Variants in CNTNAP2 observed in about 807,000 individuals in gnomAD.
CNTNAP2 encodes contactin associated protein 2, also known as contactin-associated protein-like 2.
Under a neutral mutation model 155.2 loss-of-function variants are expected in CNTNAP2, and 98 were observed. That is an observed-to-expected ratio of 0.63 (90% CI 0.54 to 0.75). CNTNAP2 has a LOEUF of 0.75. Among genes scored for constraint, CNTNAP2 ranks in the 30% least tolerant of loss-of-function variants. CNTNAP2 has a pLI of 0.00. For missense variants in CNTNAP2, 1,727 were observed against 1,688.1 expected (o/e 1.02, Z -0.40); for synonymous variants, 651 against 631.2 (o/e 1.03, Z -0.47).
At chr7:147,459,041 T>C (rs1797970298) in intron 10 of CNTNAP2, among the ~76,000 whole-genome samples, 1 of 152,206 alleles carries the variant, frequency 6.6e-6, no homozygotes, top group Admixed American at 6.5e-5. Flanking sequence ...TAAATAGTGC[T>C]ACCCAACAGA....
intron 13 of CNTNAP2, among the ~76,000 whole-genome samples, chr7:147,671,207 C>A (rs1445712802): frequency 6.6e-6 from 1 of 152,216 alleles, no homozygotes; most frequent in East Asian, 1.9e-4. Flanking sequence ...CTCTTTCCTG[C>A]AAGGAGTTGA....
At chr7:146,217,647 T>G (rs568538277) in intron 1 of CNTNAP2, among the ~76,000 whole-genome samples, 7 of 152,318 alleles carry the variant, frequency 4.6e-5, no homozygotes, top group African/African-American at 1.7e-4. Flanking sequence ...AAATAATATG[T>G]GCCCATGTGA....
Position 146,372,068 on chromosome 7 carries a change from T to G in CNTNAP2, c.97+255095T>G, listed in dbSNP as rs1308135619. 7.2e-5 allele frequency among the ~76,000 whole-genome samples: 11 copies of G among 152,276 alleles called. No individual in the cohort carries two copies. In the South Asian group the frequency reaches 8.3e-4, roughly 11 times the overall value. Reference sequence around the variant, plus strand: ...GTAATTGTAAAGAAGACCCTATATTTACAAAATAGGACAATGAAGAGGATA... The same window carrying G: ...GTAATTGTAAAGAAGACCCTATATTGACAAAATAGGACAATGAAGAGGATA... On this transcript the variant is annotated intron_variant, in intron 1 of 23. Coordinates refer to ENST00000361727, the MANE Select transcript of CNTNAP2 (RefSeq NM_014141.6).
At chr7:146,331,528 G>C (rs558884907) in intron 1 of CNTNAP2, among the ~76,000 whole-genome samples, 16 of 152,170 alleles carry the variant, frequency 1.1e-4, no homozygotes, top group African/African-American at 1.9e-4. Context: ...ACTCATTGCT[G>C]TTTGGTATCT....
At chr7:147,043,363 A>G (rs1183258491) in intron 3 of CNTNAP2, among the ~76,000 whole-genome samples, 4 of 152,240 alleles carry the variant, frequency 2.6e-5, no homozygotes, top group Non-Finnish European at 5.9e-5. Flanking sequence ...CTATAATGAA[A>G]AAAACTGAAT....
chr7:147,945,057 T>A (rs1029810450), intron 14 of CNTNAP2, among the ~76,000 whole-genome samples: 1 of 152,230 alleles, frequency 6.6e-6, no homozygotes, highest in Admixed American at 6.5e-5. Context: ...TTTTCTGCAT[T>A]GCATAGCTTC....
At chr7:146,207,155 G>A (rs141803737) in intron 1 of CNTNAP2, among the ~76,000 whole-genome samples, 1 of 151,820 alleles carries the variant, frequency 6.6e-6, no homozygotes, top group South Asian at 2.1e-4. Context: ...GCCTTTTAAG[G>A]TATTCACAGC....
At chr7:147,299,019 T>G (rs1794891217) in intron 8 of CNTNAP2, among the ~76,000 whole-genome samples, 1 of 152,172 alleles carries the variant, frequency 6.6e-6, no homozygotes, top group Admixed American at 6.5e-5. Context: ...TTGGACACCT[T>G]TATTCGTTAG....
chr7:148,407,167 T>C (rs1484584956), intron 22 of CNTNAP2, among the ~76,000 whole-genome samples: 1 of 152,168 alleles, frequency 6.6e-6, no homozygotes, highest in African/African-American at 2.4e-5. Flanking sequence ...TATGTTTTTA[T>C]ATAAACCAGT....
chr7:146,380,923 C>G (rs35024304), intron 1 of CNTNAP2, among the ~76,000 whole-genome samples: 35,353 of 148,442 alleles, frequency 0.24, 4,765 homozygotes, highest in Admixed American at 0.4. Context: ...CTCAGCCTCC[C>G]GAGTAGCTGG....
chr7:147,932,751 A>G (rs1800529194), intron 14 of CNTNAP2, among the ~76,000 whole-genome samples: 1 of 152,228 alleles, frequency 6.6e-6, no homozygotes, highest in Non-Finnish European at 1.5e-5. Context: ...ACAGCAAAGG[A>G]ACAATCAATA....
intron 1 of CNTNAP2, among the ~76,000 whole-genome samples, chr7:146,353,866 C>G (rs1374941004): frequency 6.6e-6 from 1 of 151,890 alleles, no homozygotes; most frequent in Non-Finnish European, 1.5e-5. Flanking sequence ...TAATACATGG[C>G]AACAAACCTT....
At chr7:146,336,711 C>T (rs1801282465) in intron 1 of CNTNAP2, among the ~76,000 whole-genome samples, 1 of 152,146 alleles carries the variant, frequency 6.6e-6, no homozygotes, top group African/African-American at 2.4e-5. Context: ...AATAGTTAAA[C>T]AGGTTGTGGT....
chr7:146,932,193 A>T (rs1318481763), intron 3 of CNTNAP2, among the ~76,000 whole-genome samples: 1 of 152,250 alleles, frequency 6.6e-6, no homozygotes, highest in African/African-American at 2.4e-5. Flanking sequence ...CCTCAAAAAA[A>T]TATTGGCAAA....
chr7:147,757,242 A>G (rs1304267231), intron 13 of CNTNAP2, among the ~76,000 whole-genome samples: 2 of 152,142 alleles, frequency 1.3e-5, no homozygotes, highest in East Asian at 3.9e-4. Context: ...TTCCACTCCT[A>G]ACTCTTTGCT....
At chr7:146,155,235 A>G (rs1798107610) in intron 1 of CNTNAP2, among the ~76,000 whole-genome samples, 1 of 152,172 alleles carries the variant, frequency 6.6e-6, no homozygotes, top group South Asian at 2.1e-4. Flanking sequence ...TCGAACTGGG[A>G]AAAGGTAGCA....
chr7:147,148,513 A>G (rs1801759026), intron 8 of CNTNAP2, among the ~76,000 whole-genome samples: 3 of 152,200 alleles, frequency 2.0e-5, no homozygotes. Context: ...AAATGTGTCC[A>G]GAATTGGTTC....
chr7:146,729,725 CTT>C (rs1389844931), intron 1 of CNTNAP2, among the ~76,000 whole-genome samples: 3 of 152,012 alleles, frequency 2.0e-5, no homozygotes, highest in Non-Finnish European at 4.4e-5. Flanking sequence ...GTTCTTATCT[CTT>C]TATTGTTTAC....
chr7:147,212,167 T>C (rs1206877068), intron 8 of CNTNAP2, among the ~76,000 whole-genome samples: 3 of 152,104 alleles, frequency 2.0e-5, no homozygotes, highest in African/African-American at 7.2e-5. Context: ...AATTAGCCCA[T>C]CCACCATGGA....
Sources: gnomAD v4.1 joint callset for allele counts (sites outside exome capture counted in the v4.1 genomes callset) on GRCh38, gnomAD v4.1.1 for gene constraint, MANE v1.5 for transcripts, NCBI Gene and HGNC (gene_info 2026-07-23, HGNC 2026-07-21) for gene names.